CNTNAP3B: variants seen among roughly 807,000 people sequenced by gnomAD.
CNTNAP3B encodes contactin-associated protein-like 3B.
A neutral mutation model predicts 108.9 loss-of-function variants in CNTNAP3B; 25 were observed. That is an observed-to-expected ratio of 0.23 (90% CI 0.17 to 0.32). The LOEUF is 0.32. Ranked by LOEUF, CNTNAP3B falls within the 10% of genes least tolerant of loss-of-function variation. The pLI is 1.00. For missense variants in CNTNAP3B, 252 were observed against 1,210.4 expected (o/e 0.21, Z 11.75); for synonymous variants, 103 against 473.4 (o/e 0.22, Z 10.16).
At chr9:41,966,189 C>T (rs1825268598) in intron 10 of CNTNAP3B, among the ~76,000 whole-genome samples, 1 of 152,298 alleles carries the variant, frequency 6.6e-6, no homozygotes, top group Non-Finnish European at 1.5e-5. Context: ...CATCCTTCTC[C>T]CCCTCCTCCC....
At chr9:41,940,306 A>G (rs1416778565) in intron 13 of CNTNAP3B, among the ~76,000 whole-genome samples, 1 of 152,414 alleles carries the variant, frequency 6.6e-6, no homozygotes, top group East Asian at 1.9e-4. Flanking sequence ...TCATAATTGA[A>G]CTTTTTGGAA....
At chr9:41,965,045 C>G (rs1053119124) in intron 10 of CNTNAP3B, among the ~76,000 whole-genome samples, 9 of 152,258 alleles carry the variant, frequency 5.9e-5, no homozygotes, top group Non-Finnish European at 1.0e-4. Flanking sequence ...AAGAAAGAAA[C>G]AGGAACAGCT....
intron 3 of CNTNAP3B, among the ~76,000 whole-genome samples, chr9:42,030,750 C>CAGAGAGAGAGAGAGAGAGAGAGAGAGAG (rs34457074): frequency 3.1e-4 from 19 of 60,436 alleles, no homozygotes; most frequent in East Asian, 1.2e-3. Flanking sequence ...GAAAGAGATA[C>CAGAGAGAGAGAGAGAGAGAGAGAGAGAG]AGAGAGAGAG....
chr9:41,919,587 A>C (rs1170408482), intron 18 of CNTNAP3B, among the ~76,000 whole-genome samples: 5 of 152,304 alleles, frequency 3.3e-5, no homozygotes, highest in Non-Finnish European at 2.9e-5. Context: ...TTATAAGAAA[A>C]GACATTTCTA....
chr9:41,935,746 C>G (rs1162764932), intron 14 of CNTNAP3B, among the ~76,000 whole-genome samples: 1 of 152,256 alleles, frequency 6.6e-6, no homozygotes, highest in Non-Finnish European at 1.5e-5. Context: ...GGTTAAAAAG[C>G]AAATGACTCC....
At chr9:42,073,030 T>A (rs1827407770) in intron 3 of CNTNAP3B, among the ~76,000 whole-genome samples, 1 of 140,062 alleles carries the variant, frequency 7.1e-6, no homozygotes, top group African/African-American at 2.8e-5. Flanking sequence ...GCTAAATAAA[T>A]TTGGGTCTGC....
In CNTNAP3B at chr9:41,947,272, C is replaced by G. The variant is rs1390763398; in HGVS notation, c.2080+5911G>C. On this transcript the variant is annotated intron_variant, in intron 13 of 23. Coordinates refer to ENST00000377561, the MANE Select transcript of CNTNAP3B (RefSeq NM_001201380.3). ...ACAGACCATATCCCTGGGAGCCAAA[C>G]AAACCTCAACATATTTAAAAGAACT... Among the ~76,000 whole-genome samples the G allele has an allele frequency of 7.2e-5, 11 of 152,130 alleles. No homozygotes were observed. In the East Asian group the frequency reaches 2.1e-3, roughly 29 times the overall value.
intron 1 of CNTNAP3B, among the ~76,000 whole-genome samples, chr9:42,115,467 G>A (rs1828294251): frequency 7.2e-6 from 1 of 139,628 alleles, no homozygotes; most frequent in South Asian, 2.3e-4. Context: ...ACTCCCAGTA[G>A]GGGCTGACTG....
chr9:41,958,421 T>C (rs1390871815), intron 12 of CNTNAP3B, among the ~76,000 whole-genome samples: 2 of 152,062 alleles, frequency 1.3e-5, no homozygotes, highest in African/African-American at 2.4e-5. Context: ...AATAGGATTA[T>C]AGGTCCAGCT....
chr9:41,978,965 A>T (rs1281875748), intron 9 of CNTNAP3B, among the ~76,000 whole-genome samples: 1 of 143,396 alleles, frequency 7.0e-6, no homozygotes, highest in African/African-American at 2.7e-5. Flanking sequence ...AATTTTTTTG[A>T]AAAAGGGATT....
At chr9:41,967,757 C>T (rs796123425) in intron 10 of CNTNAP3B, among the ~76,000 whole-genome samples, 14,049 of 144,652 alleles carry the variant, frequency 0.097, 54 homozygotes, top group Middle Eastern at 0.16. Context: ...TCAAAATAAT[C>T]TCAGAGGAGC....
At position 42,111,963 on chromosome 9, in the gene CNTNAP3B, G is replaced by C. The variant is rs71512012; in HGVS notation, c.86-7224C>G. 2.7e-4 allele frequency among the ~76,000 whole-genome samples: 38 copies of C among 138,380 alleles called. 3 individuals carry two copies. The highest frequency in any genetic ancestry group is 8.9e-4 in the African/African-American group (31 of 34,802). The allele number at this position is 138,380 out of a possible 152,430, so 90.8% of individuals were successfully genotyped here. A position where few individuals can be genotyped will look rare whatever the true frequency, so the allele number is the denominator to read the frequency against. On this transcript the variant is annotated intron_variant, in intron 1 of 23. Transcript: ENST00000377561. ...AAGTCACACAAACAGCCATATCAAC[G>C]AGCTCCAATGGATCCCCACTGCACC...
intron 2 of CNTNAP3B, among the ~76,000 whole-genome samples, chr9:42,094,842 A>G (rs1397109912): frequency 1.6e-5 from 2 of 128,594 alleles, no homozygotes; most frequent in African/African-American, 6.2e-5. Flanking sequence ...ATCATTTTCC[A>G]TCTGTCTCTT....
chr9:42,066,107 G>A (rs1195179512), intron 3 of CNTNAP3B, among the ~76,000 whole-genome samples: 1 of 133,936 alleles, frequency 7.5e-6, no homozygotes, highest in South Asian at 2.5e-4. Flanking sequence ...GTAAAATTTT[G>A]AATTACATCA....
At position 42,112,047 on chromosome 9, in the gene CNTNAP3B, G is replaced by A. The variant is rs28520794; in HGVS notation, c.86-7308C>T. On this transcript the variant is annotated intron_variant, in intron 1 of 23. Coordinates refer to ENST00000377561, the MANE Select transcript of CNTNAP3B (RefSeq NM_001201380.3). Reference sequence around the variant, plus strand: ...CAATTCCTTCCATCACCTGTTCCCCGTTACTCTCTGCACTACAGCCGAATC... The same window carrying A: ...CAATTCCTTCCATCACCTGTTCCCCATTACTCTCTGCACTACAGCCGAATC... 1.0e-4 allele frequency among the ~76,000 whole-genome samples: 14 copies of A among 139,140 alleles called. 3 individuals are homozygous for A. Among genetic ancestry groups the A allele is most frequent in the South Asian group, 2.3e-4 (1 of 4,302 alleles). 91.3% of individuals were successfully genotyped at this position (139,140 alleles called of 152,430 possible).
intron 14 of CNTNAP3B, among the ~76,000 whole-genome samples, chr9:41,930,584 G>A (rs879540203): frequency 3.2e-4 from 48 of 151,974 alleles, no homozygotes; most frequent in African/African-American, 1.1e-3. Context: ...AACACTCAGC[G>A]CTCACCTTTT....
At chr9:42,030,785 A>AGAGAGAGAGAGAGAGAGAGAGAGAGAGG (rs1564177840) in intron 3 of CNTNAP3B, among the ~76,000 whole-genome samples, 1 of 42,820 alleles carries the variant, frequency 2.3e-5, no homozygotes, top group Non-Finnish European at 4.8e-5. Flanking sequence ...AGAGAGAGAG[A>AGAGAGAGAGAGAGAGAGAGAGAGAGAGG]TGTGTGCGAG....
chr9:41,943,799 G>C (rs1368922165), intron 13 of CNTNAP3B, among the ~76,000 whole-genome samples: 2 of 152,262 alleles, frequency 1.3e-5, no homozygotes, highest in African/African-American at 4.8e-5. Context: ...TGAAACCATA[G>C]GTTCAGGAAT....
intron 10 of CNTNAP3B, among the ~76,000 whole-genome samples, chr9:41,967,675 T>G (rs1472944892): frequency 1.3e-5 from 2 of 152,292 alleles, no homozygotes; most frequent in Non-Finnish European, 2.9e-5. Context: ...AGGTCTTTAA[T>G]TTTAACTCTG....
Sources: gnomAD v4.1 joint callset for allele counts (sites outside exome capture counted in the v4.1 genomes callset) on GRCh38, gnomAD v4.1.1 for gene constraint, MANE v1.5 for transcripts, NCBI Gene and HGNC (gene_info 2026-07-23, HGNC 2026-07-21) for gene names.